FMN2: variants seen among roughly 807,000 people sequenced by gnomAD.
FMN2 encodes formin 2.
A neutral mutation model predicts 142.3 loss-of-function variants in FMN2; 51 were observed. The observed-to-expected ratio is 0.36, with a 90% CI of 0.29 to 0.45. The LOEUF (loss-of-function observed/expected upper bound fraction) is 0.45. Ranked by LOEUF, FMN2 falls within the 20% of genes least tolerant of loss-of-function variation. The probability of loss-of-function intolerance (pLI) is 1.00; values close to 1 mark genes in which losing one functional copy is unlikely to be tolerated. For synonymous variants in FMN2, 882 were observed against 869.8 expected (o/e 1.01, Z -0.25); for missense variants, 1,936 against 2,122.8 (o/e 0.91, Z 1.73).
At position 240,453,944 on chromosome 1, in the gene FMN2, G is replaced by C. The variant is rs1386425750; in HGVS notation, c.5060+15734G>C. On this transcript the variant is annotated intron_variant, in intron 16 of 17. Transcript: ENST00000319653. The stretch of plus-strand genomic sequence containing the variant: ...GCGGAGCTTGCAGTGAGCCGAGATT[G>C]CGCCACTGCAGTCCGCAGTCCGGCC... Among the ~76,000 whole-genome samples, 3 of 91,792 alleles carry C rather than the reference G, an allele frequency of 3.3e-5. 1 individual carries two copies. The highest frequency in any genetic ancestry group is 1.3e-4 in the Admixed American group (1 of 7,774). The allele number at this position is 91,792 out of a possible 152,430, so 60.2% of individuals were successfully genotyped here.
chr1:240,197,115 C>A (rs966790449), intron 4 of FMN2, among the ~76,000 whole-genome samples: 2 of 152,108 alleles, frequency 1.3e-5, no homozygotes, highest in East Asian at 3.9e-4. Flanking sequence ...GCCCCACCCC[C>A]CAGCCTCGGG....
rs951582604 is a variant in FMN2 at position 240,231,776 on chromosome 1, A to G, written c.4065+20541A>G. 2.6e-5 allele frequency among the ~76,000 whole-genome samples: 4 copies of G among 152,218 alleles called. No homozygotes were observed. The East Asian group carries it at 7.7e-4, about 29-fold the overall frequency. On this transcript the variant is annotated intron_variant, in intron 6 of 17. Transcript: ENST00000319653. Reference sequence around the variant, plus strand: ...AGGCAAGCTTCTTTGGGTTTATGTTATTTAATAAATGTCTTCAAGCACTAG... The same window carrying G: ...AGGCAAGCTTCTTTGGGTTTATGTTGTTTAATAAATGTCTTCAAGCACTAG...
rs1294648136 is a variant in FMN2, at chr1:240,177,981, G to A, written c.1843G>A (p.Glu615Lys). 6.2e-7 allele frequency: 1 copy of A among 1,613,054 alleles called. No homozygotes were observed. The highest frequency in any genetic ancestry group is 2.2e-5 in the East Asian group (1 of 44,824). ...ACCCACACACTCATTGGACTATTCA[G>A]AAGGGCAGTTTCCTAGGCGAGTTCC... ...SQPTHSLDYSEGQFPRRVPSM... is the reference protein window; with the variant it reads ...SQPTHSLDYSKGQFPRRVPSM... The change falls in exon 3 of 18, where the codon GAA (glutamate) becomes AAA (lysine). Residue 615 changes from glutamate (E) to lysine (K), a missense_variant. By Grantham distance (56) the Glu-to-Lys change is moderately conservative. This residue lies in a region of FMN2 where 478 missense variants were observed against 462.8 expected (regional missense o/e 1.03). Transcript: ENST00000319653.
intron 6 of FMN2, among the ~76,000 whole-genome samples, chr1:240,240,959 C>T (rs1667875737): frequency 6.6e-6 from 1 of 152,174 alleles, no homozygotes; most frequent in Non-Finnish European, 1.5e-5. Context: ...ATTTTAATTT[C>T]AAGGAGTTTA....
chr1:240,133,071 A>G (rs75562695), intron 2 of FMN2, among the ~76,000 whole-genome samples: 9,292 of 152,312 alleles, frequency 0.061, 386 homozygotes, highest in Non-Finnish European at 0.092. Context: ...AATGCACAGG[A>G]CATCTCCTTC....
At chr1:240,310,028 A>G (rs944281682) in intron 8 of FMN2, among the ~76,000 whole-genome samples, 2 of 152,194 alleles carry the variant, frequency 1.3e-5, no homozygotes, top group African/African-American at 4.8e-5. Flanking sequence ...TGTAATGGTA[A>G]TTATTAACTT....
At chr1:240,266,094 A>C (rs1268371458) in intron 7 of FMN2, among the ~76,000 whole-genome samples, 3 of 148,198 alleles carry the variant, frequency 2.0e-5, no homozygotes, top group Non-Finnish European at 4.5e-5. Context: ...ATCTGGGTAT[A>C]TTGCATGATG....
intron 2 of FMN2, among the ~76,000 whole-genome samples, chr1:240,177,360 T>TC (rs1355441260): frequency 7.1e-6 from 1 of 140,236 alleles, no homozygotes; most frequent in Non-Finnish European, 1.5e-5. Context: ...CCTATTCAAT[T>TC]CTTTTTTTTT....
chr1:240,472,322 A>AG (rs753765564), intron 16 of FMN2, 50 bp from the exon 17 acceptor site: 62 of 1,340,688 alleles, frequency 4.6e-5, no homozygotes, highest in Non-Finnish European at 6.5e-5. Flanking sequence ...AGGTAGAATG[A>AG]GGTGATCTAA....
chr1:240,119,663 A>G (rs748544876), intron 1 of FMN2, among the ~76,000 whole-genome samples: 1 of 152,222 alleles, frequency 6.6e-6, no homozygotes, highest in Non-Finnish European at 1.5e-5. Flanking sequence ...GTTGTGGTAC[A>G]GAGACCCTTG....
At chr1:240,206,033 G>T (rs973379964) in intron 4 of FMN2, among the ~76,000 whole-genome samples, 4 of 151,858 alleles carry the variant, frequency 2.6e-5, no homozygotes, top group Non-Finnish European at 5.9e-5. Flanking sequence ...CTCCCAAGTA[G>T]CTGGGACTAC....
At chr1:240,135,229 C>T (rs1662890014) in intron 2 of FMN2, among the ~76,000 whole-genome samples, 1 of 152,180 alleles carries the variant, frequency 6.6e-6, no homozygotes, top group Non-Finnish European at 1.5e-5. Flanking sequence ...TGTTTTGCTA[C>T]ACAACATTGC....
At chr1:240,333,195 A>G (rs891813923) in intron 11 of FMN2, among the ~76,000 whole-genome samples, 1 of 152,190 alleles carries the variant, frequency 6.6e-6, no homozygotes, top group African/African-American at 2.4e-5. Flanking sequence ...GCGCCTAAAT[A>G]AACCAGAAAG....
chr1:240,418,790 C>A (rs1197436907), intron 15 of FMN2, among the ~76,000 whole-genome samples: 1 of 152,188 alleles, frequency 6.6e-6, no homozygotes, highest in Non-Finnish European at 1.5e-5. Context: ...CAGCTTCTCT[C>A]TGTCAGTTAC....
At chr1:240,357,930 T>C (rs1178250829) in intron 14 of FMN2, among the ~76,000 whole-genome samples, 6 of 142,944 alleles carry the variant, frequency 4.2e-5, no homozygotes, top group African/African-American at 1.7e-4. Context: ...AACCTCCTTG[T>C]TATGAAACTC....
chr1:240,437,427 C>T (rs1467155149), intron 15 of FMN2, among the ~76,000 whole-genome samples: 4 of 151,476 alleles, frequency 2.6e-5, no homozygotes, highest in African/African-American at 9.7e-5. Context: ...TCCCAAGTAG[C>T]TGGGACTACA....
intron 8 of FMN2, among the ~76,000 whole-genome samples, chr1:240,313,116 T>TA (rs1244238748): frequency 1.3e-5 from 2 of 152,200 alleles, no homozygotes; most frequent in Non-Finnish European, 2.9e-5. Flanking sequence ...AGTTACCACT[T>TA]ACCCTTTCTT....
chr1:240,199,771 C>CATATTAATTATTG, intron 4 of FMN2, among the ~76,000 whole-genome samples: 1 of 152,248 alleles, frequency 6.6e-6, no homozygotes, highest in South Asian at 2.1e-4. Flanking sequence ...ATCTATAAAG[C>CATATTAATTATTG]ATATTAATTA....
chr1:240,463,346 A>G (rs562984577), intron 16 of FMN2, among the ~76,000 whole-genome samples: 1 of 152,268 alleles, frequency 6.6e-6, no homozygotes, highest in South Asian at 2.1e-4. Flanking sequence ...GAAGAGGGAG[A>G]GAAAAGATTC....
Sources: allele counts gnomAD v4.1 joint callset (sites outside exome capture counted in the v4.1 genomes callset), GRCh38; gene constraint gnomAD v4.1.1; regional missense constraint gnomAD v4.1.1; transcripts MANE v1.5; gene names NCBI Gene and HGNC (gene_info 2026-07-23, HGNC 2026-07-21).